The following QTMAN variants were observed in gnomAD, a reference collection of about 807,000 sequenced individuals.
The protein encoded by QTMAN is queuosine-tRNA mannosyltransferase, also known as tRNA-queuosine alpha-mannosyltransferase.
chr2:144,254,833 C>A, the QTMAN span, among the ~76,000 whole-genome samples: 1 of 152,210 alleles, frequency 6.6e-6, no homozygotes, highest in Admixed American at 6.5e-5. Flanking sequence ...TCAGTGTGAC[C>A]TGGATGTGAG....
At chr2:144,326,607 A>C in the QTMAN span, among the ~76,000 whole-genome samples, 7 of 151,528 alleles carry the variant, frequency 4.6e-5, no homozygotes, top group Admixed American at 2.0e-4. Flanking sequence ...AAAAAAAAAA[A>C]CACAGACTCT....
At chr2:143,957,389 G>T in the QTMAN span, 1 of 1,185,934 alleles carries the variant, frequency 8.4e-7, no homozygotes, top group Non-Finnish European at 1.1e-6. Flanking sequence ...AGTGTAAAAT[G>T]ATATGAGATG....
chr2:143,986,842 A>C, the QTMAN span, among the ~76,000 whole-genome samples: 2 of 152,214 alleles, frequency 1.3e-5, no homozygotes, highest in African/African-American at 4.8e-5. Context: ...ACAGACCACT[A>C]AGAGAATGTA....
the QTMAN span, among the ~76,000 whole-genome samples, chr2:144,135,715 T>C: frequency 6.6e-6 from 1 of 152,186 alleles, no homozygotes; most frequent in East Asian, 1.9e-4. Flanking sequence ...AGTCAAGTAC[T>C]AGAGACCAGA....
chr2:144,231,661 T>C, the QTMAN span, among the ~76,000 whole-genome samples: 1 of 152,208 alleles, frequency 6.6e-6, no homozygotes, highest in East Asian at 1.9e-4. Context: ...CTGTGTGTAG[T>C]TAGAATAAAT....
the QTMAN span, among the ~76,000 whole-genome samples, chr2:144,085,780 A>C: frequency 6.6e-6 from 1 of 152,174 alleles, no homozygotes; most frequent in Non-Finnish European, 1.5e-5. Flanking sequence ...TAAATTTTGT[A>C]TGACACCAGT....
At chr2:144,046,996 C>T in the QTMAN span, among the ~76,000 whole-genome samples, 8 of 152,226 alleles carry the variant, frequency 5.3e-5, no homozygotes, top group East Asian at 1.3e-3. Flanking sequence ...TTGGACCGGG[C>T]GTGGTGGCTC....
chr2:144,264,314 T>C, the QTMAN span, among the ~76,000 whole-genome samples: 1 of 152,140 alleles, frequency 6.6e-6, no homozygotes, highest in Non-Finnish European at 1.5e-5. Context: ...GAGAATTGAA[T>C]TGAGAATACT....
At chr2:143,949,237 T>A in the QTMAN span, among the ~76,000 whole-genome samples, 2 of 152,102 alleles carry the variant, frequency 1.3e-5, no homozygotes, top group African/African-American at 4.8e-5. Context: ...ACACAAGTGT[T>A]CTGCGATAGA....
chr2:144,268,698 T>C, the QTMAN span, among the ~76,000 whole-genome samples: 1 of 152,244 alleles, frequency 6.6e-6, no homozygotes, highest in African/African-American at 2.4e-5. Flanking sequence ...AGGTATCCTT[T>C]GTGTGAATAA....
At chr2:144,214,756 C>G in the QTMAN span, among the ~76,000 whole-genome samples, 2 of 152,130 alleles carry the variant, frequency 1.3e-5, no homozygotes, top group Non-Finnish European at 2.9e-5. Flanking sequence ...GGTAGGAAAA[C>G]TCATACGCCA....
At chr2:144,129,207 T>C in the QTMAN span, among the ~76,000 whole-genome samples, 4 of 151,908 alleles carry the variant, frequency 2.6e-5, no homozygotes, top group Non-Finnish European at 5.9e-5. Flanking sequence ...AGTTAGTCAA[T>C]AAGGCAGATT....
At chr2:144,327,215 T>A in the QTMAN span, among the ~76,000 whole-genome samples, 1 of 152,160 alleles carries the variant, frequency 6.6e-6, no homozygotes, top group African/African-American at 2.4e-5. Flanking sequence ...AGAGATCACA[T>A]GGAAGGTCTG....
the QTMAN span, among the ~76,000 whole-genome samples, chr2:144,021,674 C>G: frequency 6.6e-6 from 1 of 152,008 alleles, no homozygotes; most frequent in African/African-American, 2.4e-5. Context: ...GACACAGAAA[C>G]TAAGCAAATA....
the QTMAN span, among the ~76,000 whole-genome samples, chr2:144,161,951 T>C: frequency 2.0e-5 from 3 of 152,196 alleles, no homozygotes; most frequent in African/African-American, 7.2e-5. Context: ...TGTGTTACAG[T>C]GATGTTAAAC....
At chr2:144,051,704 A>T in the QTMAN span, among the ~76,000 whole-genome samples, 3 of 152,220 alleles carry the variant, frequency 2.0e-5, no homozygotes, top group Non-Finnish European at 1.5e-5. Flanking sequence ...ATTGAGAGAG[A>T]AAATGCTTCA....
chr2:144,242,903 A>G, the QTMAN span, among the ~76,000 whole-genome samples: 1 of 147,344 alleles, frequency 6.8e-6, no homozygotes, highest in African/African-American at 2.5e-5. Flanking sequence ...CAGAGGTTGC[A>G]GTGAGCCGAA....
chr2:144,133,151 A>ATATATATATATATATATT, the QTMAN span, among the ~76,000 whole-genome samples: 1 of 51,394 alleles, frequency 1.9e-5, no homozygotes, highest in Non-Finnish European at 3.3e-5. Context: ...ATATATATAT[A>ATATATATATATATATATT]ATATAATATA....
chr2:144,104,488 G>A, the QTMAN span, among the ~76,000 whole-genome samples: 8 of 152,134 alleles, frequency 5.3e-5, no homozygotes, highest in South Asian at 4.1e-4. Context: ...AGGGTCCCAC[G>A]CTCACGGAGC....
Sources: gnomAD v4.1 joint callset for allele counts (sites outside exome capture counted in the v4.1 genomes callset) on GRCh38, gnomAD v4.1.1 for gene constraint, MANE v1.5 for transcripts, NCBI Gene and HGNC (gene_info 2026-07-23, HGNC 2026-07-21) for gene names.